IFT122: variants seen among roughly 807,000 people sequenced by gnomAD.
IFT122 encodes intraflagellar transport protein 122 homolog.
A neutral mutation model predicts 161.6 loss-of-function variants in IFT122; 118 were observed. That is an observed-to-expected ratio of 0.73 (90% CI 0.63 to 0.85). The LOEUF is 0.85. Among genes scored for constraint, IFT122 ranks in the 40% least tolerant of loss-of-function variants. The pLI, the probability that IFT122 is intolerant of heterozygous loss-of-function variation, is 0.00. For synonymous variants in IFT122, 550 were observed against 602.4 expected (o/e 0.91, Z 1.27); for missense variants, 1,381 against 1,579.6 (o/e 0.87, Z 2.13).
intron 3 of IFT122, among the ~76,000 whole-genome samples, chr3:129,457,189 C>G (rs981244675): frequency 6.6e-6 from 1 of 152,204 alleles, no homozygotes; most frequent in African/African-American, 2.4e-5. Flanking sequence ...CTTCCAAATG[C>G]TTATAAATGT....
intron 7 of IFT122, among the ~76,000 whole-genome samples, chr3:129,465,090 CAT>C (rs367576490): frequency 6.5e-4 from 97 of 149,988 alleles, no homozygotes; most frequent in South Asian, 1.9e-3. Flanking sequence ...TGCATGCACA[CAT>C]GTGTACGTGT....
chr3:129,453,283 C>G (rs1282575521), intron 3 of IFT122, among the ~76,000 whole-genome samples: 4 of 151,892 alleles, frequency 2.6e-5, no homozygotes, highest in Admixed American at 6.6e-5. Context: ...ATTCTCAATT[C>G]CATTTTTTTT....
At chr3:129,454,802 C>T (rs75995257) in intron 3 of IFT122, among the ~76,000 whole-genome samples, 11,262 of 152,036 alleles carry the variant, frequency 0.074, 1,121 homozygotes, top group East Asian at 0.41. Context: ...AGAGTGTGAC[C>T]CATCAGTAGT....
chr3:129,448,862 C>T (rs2074383981), intron 1 of IFT122, among the ~76,000 whole-genome samples: 1 of 151,912 alleles, frequency 6.6e-6, no homozygotes, highest in Non-Finnish European at 1.5e-5. Flanking sequence ...CCATGCCCAG[C>T]TAATTTTTGT....
At chr3:129,493,927 G>GA (rs1449440398) in intron 17 of IFT122, among the ~76,000 whole-genome samples, 2 of 152,256 alleles carry the variant, frequency 1.3e-5, no homozygotes, top group South Asian at 2.1e-4. Flanking sequence ...ATTGTCTCTT[G>GA]AAAAAAAGTA....
intron 29 of IFT122, 77 bp from the exon 30 acceptor site, chr3:129,520,099 G>T: frequency 8.4e-7 from 1 of 1,185,866 alleles, no homozygotes. Flanking sequence ...CCCTTGAGAG[G>T]CAGTGCGTCC....
intron 7 of IFT122, among the ~76,000 whole-genome samples, chr3:129,466,275 C>T (rs1307859568): frequency 1.3e-5 from 2 of 152,074 alleles, no homozygotes; most frequent in Non-Finnish European, 2.9e-5. Context: ...ATGCTTCTTC[C>T]TGAATAATTT....
intron 8 of IFT122, among the ~76,000 whole-genome samples, chr3:129,468,556 C>T (rs1179853366): frequency 6.6e-6 from 1 of 152,210 alleles, no homozygotes; most frequent in Non-Finnish European, 1.5e-5. Flanking sequence ...GTTGGCCAGG[C>T]TGGTCTAGAA....
intron 4 of IFT122, chr3:129,459,327 T>C (rs1382449530): frequency 4.4e-6 from 2 of 451,564 alleles, no homozygotes; most frequent in South Asian, 3.1e-5. Flanking sequence ...TCTTGCTCTG[T>C]TGCCCAGGCT....
chr3:129,490,821 G>A (rs2079991322), intron 16 of IFT122, among the ~76,000 whole-genome samples: 1 of 152,218 alleles, frequency 6.6e-6, no homozygotes, highest in African/African-American at 2.4e-5. Flanking sequence ...TTAGCCCTGT[G>A]TTCCTTGGCC....
At chr3:129,451,883 A>T in intron 2 of IFT122, 31 bp from the exon 3 acceptor site, 3 of 1,565,744 alleles carry the variant, frequency 1.9e-6, no homozygotes, top group Non-Finnish European at 2.6e-6. Context: ...TAGATATCAC[A>T]TAGATAATCT....
Position 129,499,966 on chromosome 3 carries a change from C to A in IFT122, c.2273C>A (p.Ala758Asp). The change falls in exon 19 of 30, where the codon GCC (alanine) becomes GAC (aspartate). Residue 758 changes from alanine to aspartate, a missense_variant. Ala to Asp is a moderately radical substitution (Grantham distance 126). Transcript: ENST00000348417. ...KMLITKQADW[A>D]RNIKEPKAAV... Reference sequence around the variant, plus strand: ...CTAATCACCAAACAGGCTGACTGGGCCAGAAATATCAAGGAGCCCAAAGCC... The same window carrying A: ...CTAATCACCAAACAGGCTGACTGGGACAGAAATATCAAGGAGCCCAAAGCC... 4 of 1,614,174 alleles carry A rather than the reference C, an allele frequency of 2.5e-6. No homozygotes were observed. The highest frequency in any genetic ancestry group is 3.4e-6 in the Non-Finnish European group (4 of 1,180,020).
At chr3:129,453,084 T>C (rs987634336) in intron 3 of IFT122, among the ~76,000 whole-genome samples, 2 of 152,176 alleles carry the variant, frequency 1.3e-5, no homozygotes, top group African/African-American at 4.8e-5. Context: ...AATTCAGTTT[T>C]ATACATGCTG....
intron 16 of IFT122, among the ~76,000 whole-genome samples, chr3:129,489,568 G>A (rs2079775974): frequency 6.6e-6 from 1 of 152,084 alleles, no homozygotes; most frequent in African/African-American, 2.4e-5. Context: ...GCCAGGCGCG[G>A]TGGCTCACGC....
intron 25 of IFT122, chr3:129,515,004 C>T (rs953474552): frequency 8.0e-5 from 29 of 363,992 alleles, no homozygotes. Context: ...TTTCACACAT[C>T]CTCCCTCAAG....
At chr3:129,489,536 G>A (rs1350270551) in intron 16 of IFT122, among the ~76,000 whole-genome samples, 1 of 152,144 alleles carries the variant, frequency 6.6e-6, no homozygotes, top group Non-Finnish European at 1.5e-5. Flanking sequence ...GATGGAGGAG[G>A]CTGTAAGAAT....
intron 1 of IFT122, among the ~76,000 whole-genome samples, chr3:129,443,394 G>A (rs1384337836): frequency 6.6e-6 from 1 of 152,174 alleles, no homozygotes; most frequent in Non-Finnish European, 1.5e-5. Context: ...AAAGAGGCAG[G>A]TGGAGAGAGA....
chr3:129,498,295 T>G (rs1352202223), intron 18 of IFT122, among the ~76,000 whole-genome samples: 1 of 152,192 alleles, frequency 6.6e-6, no homozygotes, highest in Non-Finnish European at 1.5e-5. Flanking sequence ...TGAAGTCCCT[T>G]TGAAGGACAT....
intron 6 of IFT122, 131 bp from the exon 7 acceptor site, chr3:129,464,504 T>A: frequency 9.5e-7 from 1 of 1,049,946 alleles, no homozygotes. Context: ...GGACCGGCAA[T>A]AATGAAACCA....
Sources: gnomAD v4.1 joint callset for allele counts (sites outside exome capture counted in the v4.1 genomes callset) on GRCh38, gnomAD v4.1.1 for gene constraint, MANE v1.5 for transcripts, NCBI Gene and HGNC (gene_info 2026-07-23, HGNC 2026-07-21) for gene names.